Variants in PCSK5 observed in about 807,000 individuals in gnomAD.
The protein encoded by PCSK5 is proprotein convertase subtilisin/kexin type 5.
A neutral mutation model predicts 233.2 loss-of-function variants in PCSK5; 129 were observed. The observed-to-expected ratio is 0.55, with a 90% CI of 0.48 to 0.64. PCSK5 has a LOEUF of 0.64. Among genes scored for constraint, PCSK5 ranks in the 30% least tolerant of loss-of-function variants. The pLI, the probability that PCSK5 is intolerant of heterozygous loss-of-function variation, is 0.00. For missense variants in PCSK5, 2,076 were observed against 2,430.1 expected (o/e 0.85, Z 3.06); for synonymous variants, 825 against 879.2 (o/e 0.94, Z 1.09).
intron 2 of PCSK5, among the ~76,000 whole-genome samples, chr9:75,963,644 G>A (rs1323087157): frequency 6.6e-6 from 1 of 152,220 alleles, no homozygotes; most frequent in Non-Finnish European, 1.5e-5. Flanking sequence ...ACTTCGGGAG[G>A]CCGAGGCGGG....
chr9:76,273,178 G>A (rs75562429), intron 24 of PCSK5, among the ~76,000 whole-genome samples: 1,809 of 151,808 alleles, frequency 0.012, 37 homozygotes, highest in African/African-American at 0.042. Context: ...CATCTTTCAG[G>A]TCTCACCTAA....
At chr9:76,074,041 A>G (rs1003160716) in intron 7 of PCSK5, among the ~76,000 whole-genome samples, 2 of 152,226 alleles carry the variant, frequency 1.3e-5, no homozygotes, top group Non-Finnish European at 2.9e-5. Flanking sequence ...TTATGAAAGT[A>G]AACTATGCTT....
intron 10 of PCSK5, among the ~76,000 whole-genome samples, chr9:76,145,317 A>G (rs1158411368): frequency 6.6e-6 from 1 of 152,132 alleles, no homozygotes; most frequent in African/African-American, 2.4e-5. Flanking sequence ...CAAATGTATG[A>G]TTCTTTCATT....
chr9:76,324,641 A>G lies in PCSK5; in HGVS notation c.4339+1353A>G, dbSNP rs116453088. Among the ~76,000 whole-genome samples the G allele has an allele frequency of 4.0e-3, 602 of 152,276 alleles. 6 individuals carry two copies. Among genetic ancestry groups the G allele is most frequent in the African/African-American group, 0.014 (579 of 41,536 alleles). On this transcript the variant is annotated intron_variant, in intron 32 of 37. Coordinates refer to ENST00000674117, the MANE Select transcript of PCSK5 (RefSeq NM_001372043.1). Reference sequence around the variant, plus strand: ...CACTCAGTCCCTGCATGTTCAAGAAAGGATCTGCTATTATTTATACCTCCT... The same window carrying G: ...CACTCAGTCCCTGCATGTTCAAGAAGGGATCTGCTATTATTTATACCTCCT...
intron 24 of PCSK5, among the ~76,000 whole-genome samples, chr9:76,275,891 G>T (rs77364917): frequency 2.6e-5 from 4 of 152,042 alleles, no homozygotes; most frequent in Non-Finnish European, 4.4e-5. Context: ...CTGTCCCTTC[G>T]CCAATTTGCA....
intron 1 of PCSK5, among the ~76,000 whole-genome samples, chr9:75,929,577 G>A (rs1474761566): frequency 6.6e-6 from 1 of 152,104 alleles, no homozygotes; most frequent in Non-Finnish European, 1.5e-5. Context: ...CTGCAGTAGG[G>A]GAGGTGCCGC....
chr9:76,166,767 TAAGG>T (rs1361084414), intron 12 of PCSK5, among the ~76,000 whole-genome samples: 10 of 152,206 alleles, frequency 6.6e-5, no homozygotes, highest in Admixed American at 1.3e-4. Context: ...CTGTGGGACT[TAAGG>T]AAGGAAGTGG....
chr9:76,135,976 A>G (rs896160091), intron 10 of PCSK5, among the ~76,000 whole-genome samples: 3 of 152,030 alleles, frequency 2.0e-5, no homozygotes, highest in Non-Finnish European at 4.4e-5. Flanking sequence ...AAGTCACCAG[A>G]CCCAAACCTG....
chr9:76,125,322 C>T (rs755582765), intron 9 of PCSK5, among the ~76,000 whole-genome samples: 7 of 152,132 alleles, frequency 4.6e-5, no homozygotes, highest in Non-Finnish European at 7.4e-5. Context: ...GGCTGAACGT[C>T]CAGTCCCTAC....
At chr9:76,085,396 AGC>A (rs1564016902) in intron 7 of PCSK5, among the ~76,000 whole-genome samples, 1 of 152,078 alleles carries the variant, frequency 6.6e-6, no homozygotes, top group Admixed American at 6.5e-5. Context: ...ACAAATTATC[AGC>A]GCTTCTCTTT....
At chr9:75,912,228 G>T (rs1400675403) in intron 1 of PCSK5, among the ~76,000 whole-genome samples, 1 of 152,058 alleles carries the variant, frequency 6.6e-6, no homozygotes, top group South Asian at 2.1e-4. Flanking sequence ...GTGAGGGAAA[G>T]AAATGAGCCT....
intron 5 of PCSK5, among the ~76,000 whole-genome samples, chr9:76,040,325 GTCTCTCTC>G (rs757550088): frequency 0.023 from 1,808 of 78,856 alleles, 16 homozygotes; most frequent in Non-Finnish European, 0.033. Flanking sequence ...TGTGTTCTCT[GTCTCTCTC>G]TCTCTCTCTC....
At chr9:76,293,701 G>A (rs1828347476) in intron 25 of PCSK5, among the ~76,000 whole-genome samples, 1 of 152,268 alleles carries the variant, frequency 6.6e-6, no homozygotes, top group African/African-American at 2.4e-5. Flanking sequence ...TTAAACGTTG[G>A]AGCCAAACCT....
chr9:75,982,961 A>C (rs914452477), intron 2 of PCSK5, among the ~76,000 whole-genome samples: 1 of 152,054 alleles, frequency 6.6e-6, no homozygotes, highest in Non-Finnish European at 1.5e-5. Flanking sequence ...AAATGGCTTC[A>C]GCTTTATTTT....
At chr9:76,026,900 G>T in intron 4 of PCSK5, 61 bp from the exon 5 acceptor site, 1 of 1,099,746 alleles carries the variant, frequency 9.1e-7, no homozygotes, top group Non-Finnish European at 1.4e-6. Flanking sequence ...GAGCCTGTGG[G>T]TCATTGGCTA....
intron 1 of PCSK5, among the ~76,000 whole-genome samples, chr9:75,910,721 A>G (rs79890807): frequency 0.018 from 2,745 of 152,260 alleles, 38 homozygotes; most frequent in South Asian, 0.035. Flanking sequence ...TCTGCTTGCC[A>G]ATAGCACTTG....
At chr9:76,120,134 G>T (rs1832577543) in intron 9 of PCSK5, among the ~76,000 whole-genome samples, 1 of 152,036 alleles carries the variant, frequency 6.6e-6, no homozygotes, top group Non-Finnish European at 1.5e-5. Flanking sequence ...GATGTAAATT[G>T]AGTTTTTATA....
At chr9:76,018,263 A>G (rs1183757826) in intron 3 of PCSK5, among the ~76,000 whole-genome samples, 2 of 152,184 alleles carry the variant, frequency 1.3e-5, no homozygotes, top group Non-Finnish European at 2.9e-5. Context: ...ACTAGCCATG[A>G]TGTGAGTATT....
At chr9:76,126,517 G>C (rs1832860181) in intron 9 of PCSK5, among the ~76,000 whole-genome samples, 1 of 152,150 alleles carries the variant, frequency 6.6e-6, no homozygotes, top group South Asian at 2.1e-4. Context: ...GGAGGCTGAG[G>C]CAGGAGAATT....
Sources: gnomAD v4.1 joint callset for allele counts (sites outside exome capture counted in the v4.1 genomes callset) on GRCh38, gnomAD v4.1.1 for gene constraint, MANE v1.5 for transcripts, NCBI Gene and HGNC (gene_info 2026-07-23, HGNC 2026-07-21) for gene names.